The following ZBTB20 variants were observed in gnomAD, a reference collection of about 807,000 sequenced individuals.
ZBTB20 encodes the protein zinc finger and BTB domain containing 20, also known as zinc finger and BTB domain-containing protein 20.
A neutral mutation model predicts 56.9 loss-of-function variants in ZBTB20; 9 were observed. The ratio of observed to expected loss-of-function variants is 0.16; its 90% CI spans 0.10 to 0.28. ZBTB20 has a LOEUF of 0.28. Ranked by LOEUF, ZBTB20 falls within the 10% of genes least tolerant of loss-of-function variation. ZBTB20 has a pLI of 1.00. For synonymous variants in ZBTB20, 417 were observed against 420.7 expected (o/e 0.99, Z 0.11); for missense variants, 655 against 1,003.0 (o/e 0.65, Z 4.69).
At position 114,834,244 on chromosome 3, in the gene ZBTB20, G is replaced by A. The variant is rs114305239; in HGVS notation, c.-416-33070C>T. Among the ~76,000 whole-genome samples, 702 of 152,198 alleles carry A rather than the reference G, an allele frequency of 4.6e-3. 4 individuals are homozygous for A. The highest frequency in any genetic ancestry group is 0.026 in the South Asian group (125 of 4,824). ...GCCTAACTTAGATCCTTCCAAATTT[G>A]TAACTCTTCAAAATCTAAAATGAAT... On this transcript the variant is annotated intron_variant, in intron 4 of 11. Coordinates refer to ENST00000675478, the MANE Select transcript of ZBTB20 (RefSeq NM_001348800.3).
intron 6 of ZBTB20, among the ~76,000 whole-genome samples, chr3:114,606,469 G>A (rs2057161006): frequency 6.6e-6 from 1 of 152,066 alleles, no homozygotes; most frequent in Non-Finnish European, 1.5e-5. Context: ...TGGCATAGCT[G>A]AGTTCAGTCA....
At chr3:114,821,721 C>A (rs1208884815) in intron 4 of ZBTB20, among the ~76,000 whole-genome samples, 1 of 152,070 alleles carries the variant, frequency 6.6e-6, no homozygotes, top group Non-Finnish European at 1.5e-5. Flanking sequence ...AACATGACTG[C>A]CCTCTGGCCA....
chr3:114,990,750 T>G (rs2078767409), intron 2 of ZBTB20, among the ~76,000 whole-genome samples: 2 of 152,172 alleles, frequency 1.3e-5, no homozygotes, highest in South Asian at 4.1e-4. Flanking sequence ...TTTTTTTGGT[T>G]GGTAGGCTAT....
intron 5 of ZBTB20, among the ~76,000 whole-genome samples, chr3:114,702,512 T>C (rs987123455): frequency 6.6e-6 from 1 of 152,092 alleles, no homozygotes; most frequent in Non-Finnish European, 1.5e-5. Context: ...TATTATAAAG[T>C]ATTTGACAAA....
rs141739587 is a variant in ZBTB20, at chr3:114,973,210, G to A, written c.-456+1156C>T. ...CTTCTGTACCTTAAAATATTGCCGAGTATTAATTTTTCATCAAGTTGTCAT... is the reference window on the plus strand; with the variant it reads ...CTTCTGTACCTTAAAATATTGCCGAATATTAATTTTTCATCAAGTTGTCAT... On this transcript the variant is annotated intron_variant, in intron 3 of 11. Coordinates refer to ENST00000675478, the MANE Select transcript of ZBTB20 (RefSeq NM_001348800.3). Among the ~76,000 whole-genome samples, 85 of 152,188 alleles carry A rather than the reference G, an allele frequency of 5.6e-4. 1 individual carries two copies. Among genetic ancestry groups the A allele is most frequent in the African/African-American group, 2.0e-3 (83 of 41,520 alleles).
chr3:114,347,367 T>C (rs2080282840), intron 11 of ZBTB20, among the ~76,000 whole-genome samples: 1 of 151,154 alleles, frequency 6.6e-6, no homozygotes, highest in East Asian at 1.9e-4. Flanking sequence ...CAAGCTATTC[T>C]TTTTTTTTAG....
At chr3:114,458,214 G>A (rs536488722) in intron 7 of ZBTB20, among the ~76,000 whole-genome samples, 45 of 152,242 alleles carry the variant, frequency 3.0e-4, no homozygotes, top group East Asian at 1.2e-3. Context: ...ATTCCAGTTC[G>A]GATAATTACA....
chr3:114,506,487 C>T (rs1189166098), intron 6 of ZBTB20, among the ~76,000 whole-genome samples: 1 of 151,984 alleles, frequency 6.6e-6, no homozygotes, highest in African/African-American at 2.4e-5. Flanking sequence ...TGGCAAGGAC[C>T]GAATTTGTTT....
intron 5 of ZBTB20, among the ~76,000 whole-genome samples, chr3:114,697,336 A>C (rs2063105028): frequency 6.6e-6 from 1 of 152,074 alleles, no homozygotes; most frequent in South Asian, 2.1e-4. Flanking sequence ...ACATCTCAAA[A>C]TAAGTTGCCT....
At chr3:114,603,692 T>C (rs1026821478) in intron 6 of ZBTB20, among the ~76,000 whole-genome samples, 1 of 151,808 alleles carries the variant, frequency 6.6e-6, no homozygotes, top group Non-Finnish European at 1.5e-5. Flanking sequence ...AAGAAATACA[T>C]AAGAGAAAGA....
intron 3 of ZBTB20, among the ~76,000 whole-genome samples, chr3:114,933,805 C>G (rs1163958128): frequency 6.6e-6 from 1 of 152,186 alleles, no homozygotes; most frequent in Non-Finnish European, 1.5e-5. Flanking sequence ...CATCTGTTTA[C>G]TTTAGTATAT....
intron 1 of ZBTB20, among the ~76,000 whole-genome samples, chr3:115,127,444 G>T (rs1279751340): frequency 3.9e-5 from 6 of 151,946 alleles, no homozygotes; most frequent in Non-Finnish European, 8.8e-5. Flanking sequence ...ACACAAATTA[G>T]CCAGGCACGA....
intron 3 of ZBTB20, among the ~76,000 whole-genome samples, chr3:114,971,631 CAAA>C (rs1485220463): frequency 6.6e-6 from 1 of 151,832 alleles, no homozygotes; most frequent in African/African-American, 2.4e-5. Flanking sequence ...TAGAAACTGT[CAAA>C]AAAAGTGGGA....
chr3:115,108,517 C>T (rs976573624), intron 1 of ZBTB20, among the ~76,000 whole-genome samples: 11 of 152,116 alleles, frequency 7.2e-5, no homozygotes, highest in African/African-American at 2.7e-4. Context: ...AAAGTAATGC[C>T]TAATAATAAA....
At chr3:114,584,602 T>C (rs187419037) in intron 6 of ZBTB20, among the ~76,000 whole-genome samples, 1 of 152,166 alleles carries the variant, frequency 6.6e-6, no homozygotes, top group Non-Finnish European at 1.5e-5. Context: ...AGCTAAGGTA[T>C]AGATTACATC....
intron 5 of ZBTB20, among the ~76,000 whole-genome samples, chr3:114,775,309 TTG>T: frequency 6.6e-6 from 1 of 152,310 alleles, no homozygotes; most frequent in East Asian, 1.9e-4. Context: ...CACTTGTTTT[TTG>T]TGTTTTTAAA....
In ZBTB20 at chr3:114,317,315, G is replaced by C. The variant is rs1244590022; in HGVS notation, c.*21690C>G. 1 of 152,098 alleles carries C rather than the reference G, an allele frequency of 6.6e-6. No individual in the cohort carries two copies. Among genetic ancestry groups the C allele is most frequent in the African/African-American group, 2.4e-5 (1 of 41,398 alleles). 9.4% of individuals were successfully genotyped at this position (152,098 alleles called of 1,614,324 possible). A position where few individuals can be genotyped will look rare whatever the true frequency, so the allele number is the denominator to read the frequency against. The stretch of plus-strand genomic sequence containing the variant: ...AATACAGTCTCTGAAAGGAACTCGA[G>C]GCCCTTCAGCACCAGAGATCTTCAG... On this transcript the variant is annotated 3_prime_UTR_variant, in exon 12 of 12. Coordinates refer to ENST00000675478, the MANE Select transcript of ZBTB20 (RefSeq NM_001348800.3).
At chr3:114,442,319 G>A (rs1432179275) in intron 7 of ZBTB20, among the ~76,000 whole-genome samples, 1 of 152,130 alleles carries the variant, frequency 6.6e-6, no homozygotes, top group Non-Finnish European at 1.5e-5. Flanking sequence ...AAAACTACTA[G>A]AGAATGCTCC....
chr3:114,941,083 T>C (rs1442500863), intron 3 of ZBTB20, among the ~76,000 whole-genome samples: 8 of 146,440 alleles, frequency 5.5e-5, no homozygotes, highest in Non-Finnish European at 1.2e-4. Context: ...CAGGAGGGCA[T>C]ACCTCATATT....
Sources: allele counts gnomAD v4.1 joint callset (sites outside exome capture counted in the v4.1 genomes callset), GRCh38; gene constraint gnomAD v4.1.1; transcripts MANE v1.5; gene names NCBI Gene and HGNC (gene_info 2026-07-23, HGNC 2026-07-21).